STK35: variants seen among roughly 807,000 people sequenced by gnomAD.
STK35 encodes serine/threonine kinase 35.
Under a neutral mutation model 37.3 loss-of-function variants are expected in STK35, and 17 were observed. That is an observed-to-expected ratio of 0.46 (90% CI 0.31 to 0.68). STK35 has a LOEUF of 0.68. STK35 is among the 30% of genes least tolerant of loss of function. The pLI is 0.05. For synonymous variants in STK35, 385 were observed against 319.1 expected, an observed-to-expected ratio of 1.21 and a Z score of -2.20; for missense variants, 595 against 746.7, an observed-to-expected ratio of 0.80 and a Z score of 2.37.
rs80030736 is a variant in STK35, at chr20:2,123,688, A to G, written c.*37+6273A>G. On this transcript the variant is annotated intron_variant, in intron 3 of 3. Transcript: ENST00000381482. ...GCGTAATTAACATGGTTTGTTTGAA[A>G]CAGCAAAGTATTCAAAGCAGTCTCT... 4.6e-4 allele frequency among the ~76,000 whole-genome samples: 70 copies of G among 152,352 alleles called. No individual in the cohort carries two copies. The East Asian group carries it at 0.012, about 26-fold the overall frequency.
intron 3 of STK35, among the ~76,000 whole-genome samples, chr20:2,134,399 G>A (rs1986050408): frequency 6.6e-6 from 1 of 152,154 alleles, no homozygotes; most frequent in Non-Finnish European, 1.5e-5. Flanking sequence ...ACACTCTTTG[G>A]CCTGATTTCC....
In STK35 at chr20:2,146,394, C is replaced by G. The variant is rs1356951761; in HGVS notation, c.*2648C>G. ...TCTCTGGTGCATCGTCTCAACACCA[C>G]CAAGTTTGTAGGACCTGCCCAAGTT... On this transcript the variant is annotated 3_prime_UTR_variant, in exon 4 of 4. Coordinates refer to ENST00000381482, the MANE Select transcript of STK35 (RefSeq NM_080836.4). 1 of 152,978 alleles carries G rather than the reference C, an allele frequency of 6.5e-6. No individual in the cohort carries two copies. The highest frequency in any genetic ancestry group is 2.4e-5 in the African/African-American group (1 of 41,456). The allele number at this position is 152,978 out of a possible 1,614,324, so 9.5% of individuals were successfully genotyped here.
rs769928626 is a variant in STK35, at chr20:2,103,148, G to C, written c.675G>C (p.Gly225=). The change falls in exon 2 of 4, where the codon GGG becomes GGC. Residue 225 remains glycine (G), a synonymous_variant. Transcript: ENST00000381482. The part of the protein sequence containing the change: ...VVYEAVAGRS[G]ARVAVKKIRC... ...ATGAGGCAGTGGCCGGGCGCAGCGG[G>C]GCCCGGGTGGCGGTCAAGAAGATCC... 1.2e-6 allele frequency: 2 copies of C among 1,605,770 alleles called. No homozygotes were observed. Among genetic ancestry groups the C allele is most frequent in the Admixed American group, 1.7e-5 (1 of 59,808 alleles).
rs537816137 is a variant in STK35, at chr20:2,146,867, A to C, written c.*3121A>C. 6.6e-6 allele frequency: 1 copy of C among 152,488 alleles called. No homozygotes were observed. Among genetic ancestry groups the C allele is most frequent in the South Asian group, 2.1e-4 (1 of 4,826 alleles). 9.4% of individuals were successfully genotyped at this position (152,488 alleles called of 1,614,324 possible). On this transcript the variant is annotated 3_prime_UTR_variant, in exon 4 of 4. Coordinates refer to ENST00000381482, the MANE Select transcript of STK35 (RefSeq NM_080836.4). ...TTACCTCTAGCCAGGAGGATGCCTC[A>C]GTCTGTTCATTCGAGACTGGCCCCG...
In STK35 at chr20:2,102,097, C is replaced by G; in HGVS notation, c.216C>G (p.Pro72=). The change falls in exon 1 of 4, where the codon CCC becomes CCG. Residue 72 remains proline, a synonymous_variant. Transcript: ENST00000381482. ...TSRAARSRRQ[P]GPGADHPQAG... is the part of the protein sequence containing the mutation. ...GCGCTGCTCGGTCCCGGAGGCAGCC[C>G]GGGCCCGGAGCGGACCATCCCCAGG... 4 of 1,476,734 alleles carry G rather than the reference C, an allele frequency of 2.7e-6. No individual in the cohort carries two copies. Among genetic ancestry groups the G allele is most frequent in the Middle Eastern group, 2.3e-4 (1 of 4,256 alleles). 91.5% of individuals were successfully genotyped at this position (1,476,734 alleles called of 1,614,324 possible).
intron 3 of STK35, among the ~76,000 whole-genome samples, chr20:2,128,144 A>G (rs1444934736): frequency 6.6e-6 from 1 of 152,120 alleles, no homozygotes; most frequent in African/African-American, 2.4e-5. Context: ...TGAGTTGGAA[A>G]CTGGGGAGTG....
chr20:2,118,148 C>T (rs1483041786), intron 3 of STK35, among the ~76,000 whole-genome samples: 3 of 152,174 alleles, frequency 2.0e-5, no homozygotes, highest in Admixed American at 1.3e-4. Flanking sequence ...TCTTTTTACT[C>T]ATTACTAATC....
chr20:2,133,708 C>T (rs953372479), intron 3 of STK35, among the ~76,000 whole-genome samples: 3 of 152,160 alleles, frequency 2.0e-5, no homozygotes, highest in Non-Finnish European at 4.4e-5. Flanking sequence ...TGCAGTCTTG[C>T]CTACTGTTTC....
At chr20:2,140,982 C>T (rs1218336648) in intron 3 of STK35, among the ~76,000 whole-genome samples, 1 of 152,116 alleles carries the variant, frequency 6.6e-6, no homozygotes, top group Admixed American at 6.5e-5. Flanking sequence ...GGAGATTGTC[C>T]GCAGGGAGGG....
At chr20:2,105,098 A>C (rs1985488441) in intron 2 of STK35, among the ~76,000 whole-genome samples, 1 of 151,190 alleles carries the variant, frequency 6.6e-6, no homozygotes, top group Admixed American at 6.6e-5. Context: ...TTGAGGCTAC[A>C]GTGAGCCATT....
chr20:2,117,462 G>C lies in STK35; in HGVS notation c.*37+47G>C, dbSNP rs79619597. On this transcript the variant is annotated intron_variant, in intron 3 of 3. Transcript: ENST00000381482. The surrounding 1 kb of genome is among the most constrained non-coding windows in gnomAD (Gnocchi z 4.4). ...TTTTTGTTTTTTGTTTTGAGACAGGGTCTCACTCTGTTGGTCAGGCTGGGG... is the reference window on the plus strand; with the variant it reads ...TTTTTGTTTTTTGTTTTGAGACAGGCTCTCACTCTGTTGGTCAGGCTGGGG... 8.8e-7 allele frequency: 1 copy of C among 1,139,470 alleles called. No individual in the cohort carries two copies. The highest frequency in any genetic ancestry group is 1.2e-6 in the Non-Finnish European group (1 of 806,704). The allele number at this position is 1,139,470 out of a possible 1,614,324, so 70.6% of individuals were successfully genotyped here. A position where few individuals can be genotyped will look rare whatever the true frequency, so the allele number is the denominator to read the frequency against.
chr20:2,102,834 C>T lies in STK35; in HGVS notation c.361C>T (p.Arg121Trp), dbSNP rs764296294. The T allele has an allele frequency of 6.5e-7, 1 of 1,531,654 alleles. No homozygotes were observed. Among genetic ancestry groups the T allele is most frequent in the East Asian group, 2.6e-5 (1 of 39,130 alleles). 94.9% of individuals were successfully genotyped at this position (1,531,654 alleles called of 1,614,324 possible). A position where few individuals can be genotyped will look rare whatever the true frequency, so the allele number is the denominator to read the frequency against. The change falls in exon 2 of 4, where the codon CGG becomes TGG. Residue 121 changes from arginine to tryptophan, a missense_variant. Around this residue, in one of 3 missense-constraint regions of STK35, gnomAD observed 389 missense variants for 320.0 expected, o/e 1.22. Coordinates refer to ENST00000381482, the MANE Select transcript of STK35 (RefSeq NM_080836.4). ...AGRRDEAGGA[R>W]AAPLLLPPPP... is the part of the protein sequence containing the mutation. Reference sequence around the variant, plus strand: ...ACGGAGGGATGAGGCAGGGGGGGCCCGGGCAGCGCCGTTGCTGCTCCCCCC... The same window carrying T: ...ACGGAGGGATGAGGCAGGGGGGGCCTGGGCAGCGCCGTTGCTGCTCCCCCC...
At chr20:2,125,628 A>G (rs1331603117) in intron 3 of STK35, among the ~76,000 whole-genome samples, 2 of 152,258 alleles carry the variant, frequency 1.3e-5, no homozygotes, top group African/African-American at 4.8e-5. Context: ...ACAGTCTGAC[A>G]CTGGTTTCAG....
rs190238166 is a variant in STK35, at chr20:2,122,407, A to G, written c.*37+4992A>G. Among the ~76,000 whole-genome samples, 15 of 152,288 alleles carry G rather than the reference A, an allele frequency of 9.8e-5. No individual in the cohort carries two copies. In the South Asian group the frequency reaches 1.0e-3, roughly 11 times the overall value. On this transcript the variant is annotated intron_variant, in intron 3 of 3. Coordinates refer to ENST00000381482, the MANE Select transcript of STK35 (RefSeq NM_080836.4). ...ACCACCAAGATGAAAAAACACCTCA[A>G]TGTTTTAGGATTGTAGATTTCAGAG...
At chr20:2,112,889 C>G (rs1452893745) in intron 2 of STK35, among the ~76,000 whole-genome samples, 1 of 152,126 alleles carries the variant, frequency 6.6e-6, no homozygotes, top group African/African-American at 2.4e-5. Context: ...TTTATTTGTT[C>G]CTCTCAGCTC....
At position 2,117,216 on chromosome 20, in the gene STK35, A is replaced by T; in HGVS notation, c.1443A>T (p.Leu481=). 1 of 1,614,154 alleles carries T rather than the reference A, an allele frequency of 6.2e-7. No individual in the cohort carries two copies. The highest frequency in any genetic ancestry group is 8.5e-7 in the Non-Finnish European group (1 of 1,179,996). Residue 481 remains leucine (L), a synonymous_variant, in exon 3 of 4, where the codon CTA becomes CTT. Coordinates refer to ENST00000381482, the MANE Select transcript of STK35 (RefSeq NM_080836.4). The surrounding 1 kb of genome is among the most constrained non-coding windows in gnomAD (Gnocchi z 4.4). ...TCGTCCCTGTTGGTGAGGCGCTGCT[A>T]GAAAACCCAAAGATGGAGTTGCACA... is the stretch of plus-strand genomic sequence containing the variant. ...TEIVPVGEAL[L]ENPKMELHIP...
chr20:2,121,373 C>A (rs982093830), intron 3 of STK35, among the ~76,000 whole-genome samples: 2 of 152,072 alleles, frequency 1.3e-5, no homozygotes, highest in East Asian at 3.9e-4. Context: ...GATTTCCGGC[C>A]GGATCATATG....
Position 2,117,482 on chromosome 20 carries a change from C to T in STK35, c.*37+67C>T. On this transcript the variant is annotated intron_variant, in intron 3 of 3. Coordinates refer to ENST00000381482, the MANE Select transcript of STK35 (RefSeq NM_080836.4). The surrounding 1 kb of genome is among the most constrained non-coding windows in gnomAD (Gnocchi z 4.4). ...ACAGGGTCTCACTCTGTTGGTCAGGCTGGGGTGCAGCGGGTGCAGTGGCAG... is the reference window on the plus strand; with the variant it reads ...ACAGGGTCTCACTCTGTTGGTCAGGTTGGGGTGCAGCGGGTGCAGTGGCAG... 1 of 922,650 alleles carries T rather than the reference C, an allele frequency of 1.1e-6. No individual in the cohort carries two copies. Among genetic ancestry groups the T allele is most frequent in the Non-Finnish European group, 1.6e-6 (1 of 625,156 alleles). The allele number at this position is 922,650 out of a possible 1,614,324, so 57.2% of individuals were successfully genotyped here.
chr20:2,109,402 G>A (rs1985575472), intron 2 of STK35, among the ~76,000 whole-genome samples: 1 of 152,224 alleles, frequency 6.6e-6, no homozygotes. Flanking sequence ...ACAAACCCCT[G>A]TAATGTTCCA....
Sources: allele counts gnomAD v4.1 joint callset (sites outside exome capture counted in the v4.1 genomes callset), GRCh38; gene constraint gnomAD v4.1.1; regional missense constraint gnomAD v4.1.1; non-coding constraint Gnocchi (gnomAD v3.1); transcripts MANE v1.5; gene names NCBI Gene and HGNC (gene_info 2026-07-23, HGNC 2026-07-21).